Variants in RTN4 observed in about 807,000 individuals in gnomAD.
RTN4 encodes the protein reticulon 4.
A neutral mutation model predicts 90.4 loss-of-function variants in RTN4; 32 were observed. The observed-to-expected ratio is 0.35, with a 90% CI of 0.27 to 0.48. The LOEUF (loss-of-function observed/expected upper bound fraction) is 0.48. Ranked by LOEUF, RTN4 falls within the 20% of genes least tolerant of loss-of-function variation. The pLI, the probability that RTN4 is intolerant of heterozygous loss-of-function variation, is 0.99. For synonymous variants in RTN4, 629 were observed against 552.5 expected, an observed-to-expected ratio of 1.14 and a Z score of -1.94; for missense variants, 1,706 against 1,430.2, an observed-to-expected ratio of 1.19 and a Z score of -3.11.
intron 3 of RTN4, among the ~76,000 whole-genome samples, chr2:54,994,151 G>A (rs1317291113): frequency 6.6e-6 from 1 of 152,166 alleles, no homozygotes; most frequent in African/African-American, 2.4e-5. Context: ...GAAATATAGT[G>A]TTTTTCTGAG....
At chr2:54,998,287 AAT>A (rs528631444) in intron 3 of RTN4, among the ~76,000 whole-genome samples, 175 of 152,232 alleles carry the variant, frequency 1.1e-3, no homozygotes, top group African/African-American at 4.1e-3. Context: ...ACTTTAAAAA[AAT>A]AGTCATTTCA....
At chr2:55,067,883 G>A (rs1195886777) in intron 2 of RTN4, among the ~76,000 whole-genome samples, 1 of 152,164 alleles carries the variant, frequency 6.6e-6, no homozygotes, top group African/African-American at 2.4e-5. Flanking sequence ...CCCACTGCAT[G>A]TTAACATAAA....
In RTN4 at chr2:55,027,177, G is replaced by A. The variant is rs199609007; in HGVS notation, c.922C>T (p.Pro308Ser). 5 of 1,613,496 alleles carry A rather than the reference G, an allele frequency of 3.1e-6. No individual in the cohort carries two copies. In the Admixed American group the frequency reaches 6.7e-5, roughly 22 times the overall value. ...SEMGSSFSVS[P>S]KAESAVIVAN... ...ACTATTACGGCAGATTCTGCTTTTG[G>A]AGAGACACTGAACGATGATCCCATT... Residue 308 changes from proline to serine, a missense_variant, in exon 3 of 9, where the codon CCA (proline) becomes TCA (serine). Pro to Ser is a moderately conservative substitution (Grantham distance 74). Transcript: ENST00000337526.
chr2:55,011,770 T>C (rs182318456), intron 3 of RTN4, among the ~76,000 whole-genome samples: 42 of 152,278 alleles, frequency 2.8e-4, no homozygotes, highest in Admixed American at 4.6e-4. Flanking sequence ...AGGAAGTGGC[T>C]TGAATATCAA....
Position 54,972,284 on chromosome 2 carries a change from ATCTTCATT to A in RTN4, c.*864_*871del, listed in dbSNP as rs1677091777. ...TACAGCTTAAACCACAATGGTATAA[ATCTTCATT>A]TTGTAATTAATAATTTCTTGCATAA... On this transcript the variant is annotated 3_prime_UTR_variant, in exon 9 of 9. Transcript: ENST00000337526. 1 of 152,696 alleles carries A rather than the reference ATCTTCATT, an allele frequency of 6.5e-6. No homozygotes were observed. The highest frequency in any genetic ancestry group is 1.5e-5 in the Non-Finnish European group (1 of 68,038). The allele number at this position is 152,696 out of a possible 1,614,324, so 9.5% of individuals were successfully genotyped here. A position where few individuals can be genotyped will look rare whatever the true frequency, so the allele number is the denominator to read the frequency against.
chr2:54,982,422 A>G lies in RTN4; in HGVS notation c.3360+93T>C. On this transcript the variant is annotated intron_variant, in intron 5 of 8. Coordinates refer to ENST00000337526, the MANE Select transcript of RTN4 (RefSeq NM_020532.5). ...CCATGTGATTTAATTAATATTTATC[A>G]TTTACTTGAATATAGAAGAACAGAA... is the stretch of plus-strand genomic sequence containing the variant. The G allele has an allele frequency of 3.8e-6, 4 of 1,057,634 alleles. No homozygotes were observed. The South Asian group carries it at 5.0e-5, about 13-fold the overall frequency. The allele number at this position is 1,057,634 out of a possible 1,614,324, so 65.5% of individuals were successfully genotyped here.
intron 1 of RTN4, among the ~76,000 whole-genome samples, chr2:55,094,359 G>C (rs974295679): frequency 2.0e-5 from 3 of 152,190 alleles, no homozygotes; most frequent in Non-Finnish European, 2.9e-5. Context: ...AGTCACCCAG[G>C]CTGTGCTATT....
the RTN4 span, among the ~76,000 whole-genome samples, chr2:55,124,800 G>A: frequency 6.6e-6 from 1 of 152,140 alleles, no homozygotes; most frequent in South Asian, 2.1e-4. Context: ...ATCACATTAT[G>A]CAAGTTTAAA....
intron 2 of RTN4, among the ~76,000 whole-genome samples, chr2:55,057,722 C>T (rs111963189): frequency 6.6e-6 from 1 of 152,118 alleles, no homozygotes; most frequent in Admixed American, 6.5e-5. Flanking sequence ...TGGTGGTTCA[C>T]GCCTATAATC....
intron 1 of RTN4, among the ~76,000 whole-genome samples, chr2:55,096,656 A>T (rs148245487): frequency 0.012 from 1,828 of 152,270 alleles, 15 homozygotes; most frequent in Non-Finnish European, 0.019. Flanking sequence ...TTAAGGTCCA[A>T]GGTTTTCAGT....
chr2:55,006,257 T>C (rs978684959), intron 3 of RTN4, among the ~76,000 whole-genome samples: 1 of 152,140 alleles, frequency 6.6e-6, no homozygotes, highest in African/African-American at 2.4e-5. Flanking sequence ...ACCCAAGATC[T>C]AGAAAATGTA....
chr2:55,133,758 A>T, the RTN4 span, among the ~76,000 whole-genome samples: 2 of 152,208 alleles, frequency 1.3e-5, no homozygotes, highest in Non-Finnish European at 2.9e-5. Flanking sequence ...CCCAGCAGCC[A>T]CACGGCTGAT....
chr2:55,057,271 C>T (rs1418218541), intron 2 of RTN4, among the ~76,000 whole-genome samples: 2 of 152,068 alleles, frequency 1.3e-5, no homozygotes, highest in African/African-American at 2.4e-5. Context: ...ATGATGTATG[C>T]GGATTTTTTG....
chr2:55,092,855 G>T (rs1282411684), intron 1 of RTN4, among the ~76,000 whole-genome samples: 1 of 152,268 alleles, frequency 6.6e-6, no homozygotes, highest in Non-Finnish European at 1.5e-5. Flanking sequence ...CACATGGGGT[G>T]AAGTTTTATT....
At chr2:55,042,812 C>T (rs6545467) in intron 1 of RTN4, among the ~76,000 whole-genome samples, 69,422 of 151,960 alleles carry the variant, frequency 0.46, 16,560 homozygotes, top group African/African-American at 0.6. Flanking sequence ...ACAATGCATA[C>T]AGTCCTTTTC....
chr2:55,052,520 G>A (rs915631474), upstream of RTN4, among the ~76,000 whole-genome samples: 1 of 152,136 alleles, frequency 6.6e-6, no homozygotes, highest in South Asian at 2.1e-4. Flanking sequence ...TGTGCAAAAC[G>A]TTTGTGACTT....
chr2:55,070,511 A>T (rs796958151), intron 2 of RTN4, among the ~76,000 whole-genome samples: 18 of 137,528 alleles, frequency 1.3e-4, no homozygotes, highest in African/African-American at 4.4e-4. Flanking sequence ...ATGCCATTGC[A>T]CTCCAGCCTG....
At chr2:55,070,682 C>T (rs2920880) in intron 2 of RTN4, among the ~76,000 whole-genome samples, 83,959 of 151,786 alleles carry the variant, frequency 0.55, 24,376 homozygotes, top group East Asian at 0.86. Flanking sequence ...TAAAAATCAC[C>T]GGTCTATTAT....
At chr2:55,018,129 C>A (rs570778201) in intron 3 of RTN4, among the ~76,000 whole-genome samples, 1 of 152,144 alleles carries the variant, frequency 6.6e-6, no homozygotes, top group Non-Finnish European at 1.5e-5. Context: ...CATCCTTAGG[C>A]TTAGATTTTA....
Sources: gnomAD v4.1 joint callset for allele counts (sites outside exome capture counted in the v4.1 genomes callset) on GRCh38, gnomAD v4.1.1 for gene constraint, MANE v1.5 for transcripts, NCBI Gene and HGNC (gene_info 2026-07-23, HGNC 2026-07-21) for gene names.